PLEC: variants seen among roughly 807,000 people sequenced by gnomAD.
PLEC encodes plectin, also known as hemidesmosomal protein 1.
In PLEC, 216 loss-of-function variants were observed where a neutral mutation model predicts 392.8. The ratio of observed to expected loss-of-function variants is 0.55; its 90% confidence interval spans 0.49 to 0.62. PLEC has a LOEUF of 0.62. Ranked by LOEUF, PLEC falls within the 20% of genes least tolerant of loss-of-function variation. The pLI is 0.00. For synonymous variants in PLEC, 3,621 were observed against 2,980.6 expected (o/e 1.21, Z -7.00); for missense variants, 6,863 against 6,563.4 (o/e 1.05, Z -1.58).
chr8:143,958,787 C>T, upstream of PLEC: 1 of 338,698 alleles, frequency 3.0e-6, no homozygotes, highest in South Asian at 2.0e-5. This position sits in a 1 kb window ranked among gnomAD's most constrained non-coding sequence, Gnocchi z 4.9. Context: ...CCTCTCAGCC[C>T]TCCAACACCG....
At chr8:143,958,629 C>T (rs1255775931), upstream of PLEC, 16 of 450,760 alleles carry the variant, frequency 3.5e-5, no homozygotes, top group South Asian at 1.1e-4. This position sits in a 1 kb window ranked among gnomAD's most constrained non-coding sequence, Gnocchi z 4.9. Context: ...CAGTGCTCTC[C>T]GAGCACAAGC....
Position 143,933,029 on chromosome 8 carries a change from T to A in PLEC, c.1501A>T (p.Thr501Ser). ...RLKAGVAAPA[T>S]QVAQVTLQSV... ...TGCAGAGTCACCTGGGCCACCTGGG[T>A]TGCAGGGGCCGCCACGCCTGCCTTC... The change falls in exon 14 of 32, where the codon ACC (threonine) becomes TCC (serine). Residue 501 changes from threonine to serine, a missense_variant. Coordinates refer to ENST00000345136, the MANE Select transcript of PLEC (RefSeq NM_201384.3). The A allele has an allele frequency of 6.2e-7, 1 of 1,600,028 alleles. No homozygotes were observed. The highest frequency in any genetic ancestry group is 8.5e-7 in the Non-Finnish European group (1 of 1,174,710).
Position 143,920,434 on chromosome 8 carries a change from C to A in PLEC, c.9387G>T (p.Gln3129His). The change falls in exon 32 of 32, where the codon CAG becomes CAT. Residue 3129 changes from glutamine (Q) to histidine (H), a missense_variant. Gln to His is a conservative substitution (Grantham distance 24). Transcript: ENST00000345136. ...GCTGGGCGTCCAACAGGCGCAGGCCCTGCTCCCGGGGAATGAGGCCCTTCT... is the reference window on the plus strand; with the variant it reads ...GCTGGGCGTCCAACAGGCGCAGGCCATGCTCCCGGGGAATGAGGCCCTTCT... ...ALKKGLIPRE[Q>H]GLRLLDAQLS... 6.3e-7 allele frequency: 1 copy of A among 1,598,534 alleles called. No homozygotes were observed. Among genetic ancestry groups the A allele is most frequent in the Admixed American group, 1.7e-5 (1 of 59,418 alleles).
At chr8:143,964,032 C>G (rs1191375083) in intron 1 of PLEC, among the ~76,000 whole-genome samples, 2 of 152,070 alleles carry the variant, frequency 1.3e-5, no homozygotes, top group Non-Finnish European at 2.9e-5. Context: ...AGGCTGGTCT[C>G]CTGATCTCAG....
In PLEC at chr8:143,948,872, G is replaced by A. The variant is rs541739460; in HGVS notation, c.523+1312C>T. 5.9e-5 allele frequency among the ~76,000 whole-genome samples: 9 copies of A among 152,376 alleles called. No individual in the cohort carries two copies. The East Asian group carries it at 1.7e-3, about 29-fold the overall frequency. ...GGGAGTGGGTGGGCAGGGGTGCCGG[G>A]TGGGAGAGGACAGCAGGAAGGCCAC... On this transcript the variant is annotated intron_variant, in intron 1 of 31. Coordinates refer to the PLEC transcript ENST00000322810.
intron 1 of PLEC, chr8:143,945,200 A>G (rs781963353): frequency 2.1e-6 from 1 of 487,582 alleles, no homozygotes; most frequent in Admixed American, 2.3e-5. Context: ...CAGCCACCCC[A>G]AAGTCACGCG....
rs781944900 is a variant in PLEC, at chr8:143,920,562, C to A, written c.9259G>T (p.Val3087Leu). ...TVDEAVRAGL[V>L]GPEFHEKLLS... is the part of the protein sequence containing the mutation. ...AGCTTCTCATGAAACTCGGGGCCCACCAGGCCAGCACGCACTGCCTCGTCC... is the reference window on the plus strand; with the variant it reads ...AGCTTCTCATGAAACTCGGGGCCCAACAGGCCAGCACGCACTGCCTCGTCC... The change falls in exon 32 of 32, where the codon GTG (valine) becomes TTG (leucine). Residue 3087 changes from valine to leucine, a missense_variant. Transcript: ENST00000345136. The A allele has an allele frequency of 3.7e-6, 6 of 1,611,398 alleles. No individual in the cohort carries two copies. In the South Asian group the frequency reaches 6.6e-5, roughly 18 times the overall value.
chr8:143,942,427 C>A, upstream of PLEC: 3 of 1,604,780 alleles, frequency 1.9e-6, no homozygotes, highest in East Asian at 4.5e-5. Flanking sequence ...GTAGCCCCTG[C>A]GGGCCGGCTC....
Position 143,919,824 on chromosome 8 carries a change from C to G in PLEC, c.9997G>C (p.Asp3333His). 6.2e-7 allele frequency: 1 copy of G among 1,613,140 alleles called. No individual in the cohort carries two copies. The highest frequency in any genetic ancestry group is 2.2e-5 in the East Asian group (1 of 44,884). Residue 3333 changes from aspartate (D) to histidine (H), a missense_variant, in exon 32 of 32, where the codon GAC (aspartate) becomes CAC (histidine). Asp to His is a moderately conservative substitution (Grantham distance 81, BLOSUM62 -1). Transcript: ENST00000345136. ...AGGTCCTTGACCGTCGTCTTGCCGT[C>G]CTTGAGCTGCTCAAACTGGGCTCTG... ...LSRAQFEQLK[D>H]GKTTVKDLSE...
intron 1 of PLEC, among the ~76,000 whole-genome samples, chr8:143,967,093 G>A (rs1833136643): frequency 6.6e-6 from 1 of 152,152 alleles, no homozygotes; most frequent in Admixed American, 6.5e-5. Flanking sequence ...GCCAGGCGCG[G>A]TGGCTCACGC....
At chr8:143,957,193 G>A (rs1178512752), upstream of PLEC, among the ~76,000 whole-genome samples, 1 of 152,190 alleles carries the variant, frequency 6.6e-6, no homozygotes, top group Non-Finnish European at 1.5e-5. Context: ...TGGGGTAGAG[G>A]AAGCTGGGCG....
Position 143,916,730 on chromosome 8 carries a change from G to T in PLEC, c.13091C>A (p.Thr4364Asn). 1 of 1,613,124 alleles carries T rather than the reference G, an allele frequency of 6.2e-7. No homozygotes were observed. The highest frequency in any genetic ancestry group is 1.1e-5 in the South Asian group (1 of 91,084). ...KAFCGFEDPR[T>N]KTKMSAAQAL... ...CTGGGCGGCCGACATCTTGGTCTTG[G>T]TGCGTGGGTCCTCGAAGCCGCAGAA... The change falls in exon 32 of 32, where the codon ACC (threonine) becomes AAC (asparagine). Residue 4364 changes from threonine (T) to asparagine (N), a missense_variant. Coordinates refer to ENST00000345136, the MANE Select transcript of PLEC (RefSeq NM_201384.3).
exon 1 of PLEC, chr8:143,950,650 G>T: frequency 6.3e-7 from 1 of 1,589,370 alleles, no homozygotes; most frequent in East Asian, 2.3e-5. Flanking sequence ...CCTCGCGGAA[G>T]AGCACCTCAT....
At chr8:143,972,616 G>A (rs931072857) in intron 1 of PLEC, among the ~76,000 whole-genome samples, 3 of 152,110 alleles carry the variant, frequency 2.0e-5, no homozygotes, top group Non-Finnish European at 2.9e-5. Context: ...CCCCCACCGC[G>A]ACCCTCCCCA....
In PLEC at chr8:143,932,823, C is replaced by T. The variant is rs1358748752; in HGVS notation, c.1707G>A (p.Arg569=). 3.7e-6 allele frequency: 6 copies of T among 1,612,476 alleles called. No homozygotes were observed. Among genetic ancestry groups the T allele is most frequent in the African/African-American group, 1.3e-5 (1 of 74,938 alleles). Reference sequence around the variant, plus strand: ...CACTCCGTGCCCGCTCGATCTTGGCCCGGAATTCTTCGATGGACTGGTGCA... The same window carrying T: ...CACTCCGTGCCCGCTCGATCTTGGCTCGGAATTCTTCGATGGACTGGTGCA... ...RGLHQSIEEF[R]AKIERARSDE... The change falls in exon 14 of 32, where the codon CGG becomes CGA. Residue 569 remains arginine, a synonymous_variant. Coordinates refer to ENST00000345136, the MANE Select transcript of PLEC (RefSeq NM_201384.3).
chr8:143,921,207 C>T lies in PLEC; in HGVS notation c.8614G>A (p.Val2872Met), dbSNP rs201448049. 42 of 1,614,070 alleles carry T rather than the reference C, an allele frequency of 2.6e-5. No individual in the cohort carries two copies. The highest frequency in any genetic ancestry group is 2.0e-4 in the Admixed American group (12 of 60,034). ...CACAGGCCCGTCTCGGGGTCCTCCA[C>T]GCAGCGCTCCAGTAGCTGCAGGTAC... The part of the protein sequence containing the change: ...LTYLQLLERC[V>M]EDPETGLCLL... Residue 2872 changes from valine to methionine, a missense_variant, in exon 32 of 32, where the codon GTG (valine) becomes ATG (methionine). Coordinates refer to ENST00000345136, the MANE Select transcript of PLEC (RefSeq NM_201384.3).
upstream of PLEC, among the ~76,000 whole-genome samples, chr8:143,955,580 T>C (rs1261704042): frequency 6.6e-6 from 1 of 152,102 alleles, no homozygotes; most frequent in Non-Finnish European, 1.5e-5. Flanking sequence ...GTTCATACAT[T>C]TTTAAAAAAT....
intron 1 of PLEC, among the ~76,000 whole-genome samples, chr8:143,949,039 C>T (rs1831823619): frequency 6.6e-6 from 1 of 152,212 alleles, no homozygotes; most frequent in African/African-American, 2.4e-5. Context: ...GGAGGGGAGG[C>T]CAGCCTCCAC....
Position 143,925,170 on chromosome 8 carries a change from C to G in PLEC, c.4759G>C (p.Glu1587Gln). 1 of 1,563,446 alleles carries G rather than the reference C, an allele frequency of 6.4e-7. No individual in the cohort carries two copies. The highest frequency in any genetic ancestry group is 8.6e-7 in the Non-Finnish European group (1 of 1,162,784). Residue 1587 changes from glutamate to glutamine, a missense_variant, in exon 31 of 32, where the codon GAG becomes CAG. By Grantham distance (29) the Glu-to-Gln change is conservative. Transcript: ENST00000345136. ...ELQSKRASFA[E>Q]KTAQLERSLQ... ...GAGCGCTCCAGCTGTGCCGTCTTCT[C>G]GGCGAAGGAGGCGCGTTTGCTCTGC...
Sources: allele counts gnomAD v4.1 joint callset (sites outside exome capture counted in the v4.1 genomes callset), GRCh38; gene constraint gnomAD v4.1.1; non-coding constraint Gnocchi (gnomAD v3.1); transcripts MANE v1.5; gene names NCBI Gene and HGNC (gene_info 2026-07-23, HGNC 2026-07-21).